The following P4HB variants were observed in gnomAD, a reference collection of about 807,000 sequenced individuals.
P4HB encodes protein disulfide-isomerase.
In P4HB, 20 loss-of-function variants were observed where a neutral mutation model predicts 52.6. That is an observed-to-expected ratio of 0.38 (90% CI 0.27 to 0.55). The LOEUF (loss-of-function observed/expected upper bound fraction) is 0.55, where lower values mean the gene tolerates loss of function less well. Ranked by LOEUF, P4HB falls within the 20% of genes least tolerant of loss-of-function variation. The pLI, the probability that P4HB is intolerant of heterozygous loss-of-function variation, is 0.74. For missense variants in P4HB, 601 were observed against 669.2 expected, an observed-to-expected ratio of 0.90 and a Z score of 1.12; for synonymous variants, 296 against 277.9, an observed-to-expected ratio of 1.07 and a Z score of -0.65.
chr17:81,858,078 C>T (rs935322619), intron 2 of P4HB, among the ~76,000 whole-genome samples: 1 of 151,868 alleles, frequency 6.6e-6, no homozygotes, highest in Non-Finnish European at 1.5e-5. Context: ...TCGAGACCAT[C>T]CTGGCCAACA....
rs1215370634 is a variant in P4HB, at chr17:81,860,361, C to T, written c.111G>A (p.Ala37=). The change falls in exon 1 of 11, where the codon GCG becomes GCA. Residue 37 remains alanine (A), a synonymous_variant. Transcript: ENST00000331483. ...CCAGCAGGTACTTGTGGGCCGCCAG[C>T]GCCTCCGCGAAGTTGCTTTTCCGCA... ...LVLRKSNFAE[A]LAAHKYLLVE... The T allele has an allele frequency of 6.8e-7, 1 of 1,472,578 alleles. No individual in the cohort carries two copies. The allele number at this position is 1,472,578 out of a possible 1,614,324, so 91.2% of individuals were successfully genotyped here. A position where few individuals can be genotyped will look rare whatever the true frequency, so the allele number is the denominator to read the frequency against.
chr17:81,855,254 T>C lies in P4HB; in HGVS notation c.512A>G (p.Gln171Arg). The change falls in exon 4 of 11, where the codon CAG becomes CGG. Residue 171 changes from glutamine (Q) to arginine (R), a missense_variant. Physicochemically the swap from Gln to Arg is conservative, Grantham distance 43 (BLOSUM62 1). Transcript: ENST00000331483. This position sits in a 1 kb window ranked among gnomAD's most constrained non-coding sequence, Gnocchi z 4.3. The stretch of plus-strand genomic sequence containing the variant: ...GATGGCCTCTGCTGCCTGCAAAAAC[T>C]GCTTGGCAGAGTCCGACTCCACGTC... ...FKDVESDSAK[Q>R]FLQAAEAIDD... 1.2e-6 allele frequency: 2 copies of C among 1,613,904 alleles called. No individual in the cohort carries two copies. Among genetic ancestry groups the C allele is most frequent in the Non-Finnish European group, 1.7e-6 (2 of 1,179,972 alleles).
At chr17:81,853,212 G>A (rs376924940) in intron 4 of P4HB, among the ~76,000 whole-genome samples, 1 of 152,112 alleles carries the variant, frequency 6.6e-6, no homozygotes, top group Non-Finnish European at 1.5e-5. Flanking sequence ...CCGCACCACC[G>A]CGCTCCAGGA....
In P4HB at chr17:81,855,517, G is replaced by C; in HGVS notation, c.422C>G (p.Pro141Arg). The change falls in exon 3 of 11, where the codon CCT becomes CGT. Residue 141 changes from proline to arginine, a missense_variant. Physicochemically the swap from Pro to Arg is moderately radical, Grantham distance 103. Transcript: ENST00000331483. This position sits in a 1 kb window ranked among gnomAD's most constrained non-coding sequence, Gnocchi z 4.3. Reference sequence around the variant, plus strand: ...CAAGGACTCTGCAGCTGCGCCGTCAGGCAGGGTGGTGGCAGCCGGGCCCGT... The same window carrying C: ...CAAGGACTCTGCAGCTGCGCCGTCACGCAGGGTGGTGGCAGCCGGGCCCGT... ...KRTGPAATTL[P>R]DGAAAESLVE... is the part of the protein sequence containing the mutation. 1 of 1,614,010 alleles carries C rather than the reference G, an allele frequency of 6.2e-7. No homozygotes were observed. Among genetic ancestry groups the C allele is most frequent in the Non-Finnish European group, 8.5e-7 (1 of 1,180,008 alleles).
intron 2 of P4HB, among the ~76,000 whole-genome samples, chr17:81,858,650 G>A (rs1047211816): frequency 5.3e-5 from 8 of 152,178 alleles, no homozygotes; most frequent in Non-Finnish European, 1.2e-4. Flanking sequence ...GGAGCAGGGC[G>A]GGCTTGGATT....
In P4HB at chr17:81,843,718, G is replaced by A. The variant is rs201874292; in HGVS notation, c.*294C>T. The A allele has an allele frequency of 2.2e-6, 1 of 460,482 alleles. No homozygotes were observed. Among genetic ancestry groups the A allele is most frequent in the Non-Finnish European group, 3.8e-6 (1 of 260,926 alleles). The allele number at this position is 460,482 out of a possible 1,614,324, so 28.5% of individuals were successfully genotyped here. A position where few individuals can be genotyped will look rare whatever the true frequency, so the allele number is the denominator to read the frequency against. On this transcript the variant is annotated 3_prime_UTR_variant, in exon 11 of 11. Transcript: ENST00000331483. ...GGGAGGCAGCGAGACTCCGAACACG[G>A]TAGCAAGCACTCTGGACAGACTCAT...
chr17:81,856,890 C>T (rs1202616090), intron 2 of P4HB, among the ~76,000 whole-genome samples: 2 of 151,986 alleles, frequency 1.3e-5, no homozygotes, highest in Non-Finnish European at 2.9e-5. Flanking sequence ...CCTCGTGATC[C>T]GCCCGCCTCG....
intron 4 of P4HB, among the ~76,000 whole-genome samples, chr17:81,850,249 C>T (rs1452180467): frequency 6.6e-6 from 1 of 152,060 alleles, no homozygotes; most frequent in Non-Finnish European, 1.5e-5. Flanking sequence ...TCTCCTGCCT[C>T]TGCCTCCCAA....
chr17:81,859,537 G>T, intron 1 of P4HB, 150 bp from the exon 2 acceptor site: 1 of 673,882 alleles, frequency 1.5e-6, no homozygotes, highest in Non-Finnish European at 2.5e-6. Context: ...ACAAGGCTGA[G>T]CTGATAGCCT....
intron 1 of P4HB, 55 bp downstream of exon 1, chr17:81,860,272 A>G: frequency 7.5e-7 from 1 of 1,332,454 alleles, no homozygotes; most frequent in Non-Finnish European, 9.7e-7. Flanking sequence ...CCTGCGTCCC[A>G]AGAGCCTGGC....
intron 4 of P4HB, among the ~76,000 whole-genome samples, chr17:81,852,084 G>C (rs1476896750): frequency 6.6e-6 from 1 of 152,202 alleles, no homozygotes; most frequent in Non-Finnish European, 1.5e-5. Flanking sequence ...TCAGCAGGCT[G>C]GGGTGGGAGG....
At chr17:81,856,599 A>G (rs914946640) in intron 2 of P4HB, among the ~76,000 whole-genome samples, 8 of 150,792 alleles carry the variant, frequency 5.3e-5, no homozygotes, top group African/African-American at 1.2e-4. Flanking sequence ...CGGTCTCCCA[A>G]AGTGCTAGGA....
chr17:81,860,421 G>A lies in P4HB; in HGVS notation c.51C>T (p.Ala17=), dbSNP rs2038981544. The A allele has an allele frequency of 7.0e-7, 1 of 1,429,442 alleles. No individual in the cohort carries two copies. The highest frequency in any genetic ancestry group is 3.1e-5 in the East Asian group (1 of 32,720). The allele number at this position is 1,429,442 out of a possible 1,614,324, so 88.5% of individuals were successfully genotyped here. The change falls in exon 1 of 11, where the codon GCC becomes GCT. Residue 17 remains alanine (A), a synonymous_variant. Transcript: ENST00000331483. ...CGTGGTCCTCCTCCTCGGGGGCGTC[G>A]GCGCGCACCAGGGCGGCCACGGCCA... is the stretch of plus-strand genomic sequence containing the variant. ...LCLAVAALVR[A]DAPEEEDHVL...
intron 10 of P4HB, 77 bp from the exon 11 acceptor site, chr17:81,844,169 T>C (rs898016006): frequency 9.9e-7 from 1 of 1,011,184 alleles, no homozygotes; most frequent in Non-Finnish European, 1.6e-6. Context: ...CACCCCACAC[T>C]GCTCACACCG....
Position 81,855,089 on chromosome 17 carries a change from T to G in P4HB, c.624+53A>C. 5 of 1,591,910 alleles carry G rather than the reference T, an allele frequency of 3.1e-6. No homozygotes were observed. Among genetic ancestry groups the G allele is most frequent in the Non-Finnish European group, 4.3e-6 (5 of 1,160,904 alleles). ...AACGATAAGGAGAGCAACGCCACCC[T>G]CTGCAGACCAACCCCAGAACTAACC... On this transcript the variant is annotated intron_variant, in intron 4 of 10. Transcript: ENST00000331483. This position sits in a 1 kb window ranked among gnomAD's most constrained non-coding sequence, Gnocchi z 4.3.
At chr17:81,854,264 C>T (rs1026869053) in intron 4 of P4HB, among the ~76,000 whole-genome samples, 3 of 152,184 alleles carry the variant, frequency 2.0e-5, no homozygotes, top group Admixed American at 2.0e-4. Flanking sequence ...CGTGGCCGGG[C>T]GCGGTGGCTC....
Position 81,848,939 on chromosome 17 carries a change from G to A in P4HB, c.625-1592C>T, listed in dbSNP as rs372733324. Among the ~76,000 whole-genome samples, 218 of 151,460 alleles carry A rather than the reference G, an allele frequency of 1.4e-3. 5 individuals carry two copies. The South Asian group carries it at 0.044, about 31-fold the overall frequency. On this transcript the variant is annotated intron_variant, in intron 4 of 10. Coordinates refer to ENST00000331483, the MANE Select transcript of P4HB (RefSeq NM_000918.4). ...TGCACACCTGTAATCCCAGCTGCTC[G>A]GGAGACTGAGGCAGAAGAAACACTT...
intron 2 of P4HB, among the ~76,000 whole-genome samples, chr17:81,857,025 C>T (rs191962252): frequency 3.3e-5 from 5 of 152,196 alleles, no homozygotes; most frequent in East Asian, 1.9e-4. Flanking sequence ...TTAAGCAGTC[C>T]GCCCACCTCG....
Position 81,846,371 on chromosome 17 carries a change from G to C in P4HB, c.1056+58C>G, listed in dbSNP as rs2038735526. The stretch of plus-strand genomic sequence containing the variant: ...AAGCCCAGGACACTGAGAGCCCAGA[G>C]ACCCCAAGGTGGCGGCTCTACCCGG... On this transcript the variant is annotated intron_variant, in intron 7 of 10. Coordinates refer to ENST00000331483, the MANE Select transcript of P4HB (RefSeq NM_000918.4). This position sits in a 1 kb window ranked among gnomAD's most constrained non-coding sequence, Gnocchi z 5.7. 2.0e-6 allele frequency: 3 copies of C among 1,491,912 alleles called. No individual in the cohort carries two copies. The highest frequency in any genetic ancestry group is 2.8e-6 in the Non-Finnish European group (3 of 1,072,698). 92.4% of individuals were successfully genotyped at this position (1,491,912 alleles called of 1,614,324 possible). A position where few individuals can be genotyped will look rare whatever the true frequency, so the allele number is the denominator to read the frequency against.
Sources: allele counts gnomAD v4.1 joint callset (sites outside exome capture counted in the v4.1 genomes callset), GRCh38; gene constraint gnomAD v4.1.1; non-coding constraint Gnocchi (gnomAD v3.1); transcripts MANE v1.5; gene names NCBI Gene and HGNC (gene_info 2026-07-23, HGNC 2026-07-21).